Variants in CNTNAP1 observed in about 807,000 individuals in gnomAD.
CNTNAP1 encodes contactin-associated protein 1.
A neutral mutation model predicts 161.5 loss-of-function variants in CNTNAP1; 80 were observed. That is an observed-to-expected ratio of 0.50 (90% CI 0.41 to 0.60). The LOEUF (loss-of-function observed/expected upper bound fraction) is 0.60, where lower values mean the gene tolerates loss of function less well. Among genes scored for constraint, CNTNAP1 ranks in the 20% least tolerant of loss-of-function variants. The probability of loss-of-function intolerance (pLI) is 0.00; values close to 1 mark genes in which losing one functional copy is unlikely to be tolerated. For missense variants in CNTNAP1, 1,464 were observed against 1,854.8 expected, an observed-to-expected ratio of 0.79 and a Z score of 3.87; for synonymous variants, 695 against 733.1, an observed-to-expected ratio of 0.95 and a Z score of 0.84.
chr17:42,699,576 C>T lies in CNTNAP1; in HGVS notation c.*666C>T, dbSNP rs1265813525. 6 of 152,792 alleles carry T rather than the reference C, an allele frequency of 3.9e-5. No homozygotes were observed. The Admixed American group carries it at 3.9e-4, about 10-fold the overall frequency. The allele number at this position is 152,792 out of a possible 1,614,324, so 9.5% of individuals were successfully genotyped here. On this transcript the variant is annotated 3_prime_UTR_variant, in exon 24 of 24. Transcript: ENST00000264638. The stretch of plus-strand genomic sequence containing the variant: ...AATGCAGATACCCTGACTAGCCAGC[C>T]CTCTACTCCTCCAACCTTTTCCAAG...
chr17:42,690,046 C>G (rs1167782335), intron 11 of CNTNAP1, 42 bp from the exon 12 acceptor site: 1 of 1,611,458 alleles, frequency 6.2e-7, no homozygotes, highest in Non-Finnish European at 8.5e-7. Flanking sequence ...GGCCAGCCCT[C>G]TAACTCTCTA....
At position 42,688,862 on chromosome 17, in the gene CNTNAP1, G is replaced by A; in HGVS notation, c.1457-14G>A. On this transcript the variant is annotated splice_polypyrimidine_tract_variant and intron_variant, in intron 9 of 23. Coordinates refer to ENST00000264638, the MANE Select transcript of CNTNAP1 (RefSeq NM_003632.3). ...TCTCCCCTGGGGAGGATCTCACAGG[G>A]GTGGTTGCTCCAGGTTGTCCCAAGC... 2 of 1,613,680 alleles carry A rather than the reference G, an allele frequency of 1.2e-6. No individual in the cohort carries two copies. Among genetic ancestry groups the A allele is most frequent in the Non-Finnish European group, 1.7e-6 (2 of 1,179,902 alleles).
At chr17:42,693,616 G>A (rs1386259771) in intron 18 of CNTNAP1, 80 bp downstream of exon 18, 9 of 1,557,174 alleles carry the variant, frequency 5.8e-6, no homozygotes, top group Non-Finnish European at 7.9e-6. Flanking sequence ...GAAATAGCAT[G>A]TAAAGCCCAT....
intron 23 of CNTNAP1, among the ~76,000 whole-genome samples, 163 bp from the exon 24 acceptor site, chr17:42,698,445 ATGTGTGTGTG>A (rs71276881): frequency 6.4e-5 from 9 of 139,590 alleles, no homozygotes; most frequent in East Asian, 2.1e-4. Flanking sequence ...CCAAAAGTAA[ATGTGTGTGTG>A]TGTGTGTGTG....
Position 42,685,510 on chromosome 17 carries a change from C to T in CNTNAP1, c.715+90C>T, listed in dbSNP as rs2052994988. The T allele has an allele frequency of 2.4e-6, 3 of 1,264,848 alleles. No individual in the cohort carries two copies. Among genetic ancestry groups the T allele is most frequent in the Admixed American group, 2.1e-5 (1 of 47,968 alleles). 78.4% of individuals were successfully genotyped at this position (1,264,848 alleles called of 1,614,324 possible). ...GGCACCTCCTCCGCGCATCCGCGCT[C>T]AGCCTGGTCTTCCACTTCTCTAAGG... On this transcript the variant is annotated intron_variant, in intron 5 of 23. Transcript: ENST00000264638. The surrounding 1 kb of genome is among the most constrained non-coding windows in gnomAD (Gnocchi z 5.0).
At position 42,699,040 on chromosome 17, in the gene CNTNAP1, C is replaced by G. The variant is rs572486716; in HGVS notation, c.*130C>G. The G allele has an allele frequency of 8.1e-6, 6 of 737,822 alleles. No individual in the cohort carries two copies. Among genetic ancestry groups the G allele is most frequent in the Admixed American group, 6.5e-5 (2 of 30,762 alleles). 45.7% of individuals were successfully genotyped at this position (737,822 alleles called of 1,614,324 possible). ...ATCCAGAGGATATTCCCCCATCCCC[C>G]CCCCATCAAGTTTGGTGGGCAGAGC... is the stretch of plus-strand genomic sequence containing the variant. On this transcript the variant is annotated 3_prime_UTR_variant, in exon 24 of 24. Transcript: ENST00000264638.
Position 42,691,965 on chromosome 17 carries a change from G to A in CNTNAP1, c.2504G>A (p.Arg835Gln), listed in dbSNP as rs145894379. 36 of 1,613,972 alleles carry A rather than the reference G, an allele frequency of 2.2e-5. No homozygotes were observed. Among genetic ancestry groups the A allele is most frequent in the African/African-American group, 8.0e-5 (6 of 74,920 alleles). ...GGGGGCCCTTACTGCCAGTGGCGCCGACCTTATGTGCGGGTGGAACTCAAC... is the reference window on the plus strand; with the variant it reads ...GGGGGCCCTTACTGCCAGTGGCGCCAACCTTATGTGCGGGTGGAACTCAAC... ...NMGGPYCQWR[R>Q]PYVRVELNTS... Residue 835 changes from arginine (R) to glutamine (Q), a missense_variant, in exon 16 of 24, where the codon CGA (arginine) becomes CAA (glutamine). Transcript: ENST00000264638. This position sits in a 1 kb window ranked among gnomAD's most constrained non-coding sequence, Gnocchi z 4.3.
rs749108882 is a variant in CNTNAP1, at chr17:42,686,866, T to A, written c.901-37T>A. ...CGCGCGAGAAAGGCAGGCGCCCTCC[T>A]GTGCCCAAGAGGCCTCATTCCCCAC... is the stretch of plus-strand genomic sequence containing the variant. On this transcript the variant is annotated intron_variant, in intron 6 of 23. Transcript: ENST00000264638. 19 of 1,563,556 alleles carry A rather than the reference T, an allele frequency of 1.2e-5. No individual in the cohort carries two copies. The Admixed American group carries it at 3.5e-4, about 29-fold the overall frequency.
In CNTNAP1 at chr17:42,682,893, T is replaced by C. The variant is rs1307728562; in HGVS notation, c.64T>C (p.Tyr22His). The C allele has an allele frequency of 8.7e-6, 14 of 1,600,318 alleles. No individual in the cohort carries two copies. The highest frequency in any genetic ancestry group is 1.1e-5 in the Non-Finnish European group (13 of 1,174,598). ...AAVSGAEGWG[Y>H]YGCDEELVGP... ...GGTCTCAGGAGCCGAGGGCTGGGGC[T>C]ACTGTGAGTGTTGGGCTTGGAGGCA... Residue 22 changes from tyrosine to histidine, a missense_variant, in exon 1 of 24, where the codon TAC becomes CAC. Physicochemically the swap from Tyr to His is moderately conservative, Grantham distance 83. Coordinates refer to ENST00000264638, the MANE Select transcript of CNTNAP1 (RefSeq NM_003632.3).
In CNTNAP1 at chr17:42,691,962, G is replaced by A. The variant is rs142029931; in HGVS notation, c.2501G>A (p.Arg834His). ...ENMGGPYCQW[R>H]RPYVRVELNT... ...ATGGGGGGCCCTTACTGCCAGTGGC[G>A]CCGACCTTATGTGCGGGTGGAACTC... The change falls in exon 16 of 24, where the codon CGC (arginine) becomes CAC (histidine). Residue 834 changes from arginine to histidine, a missense_variant. Physicochemically the swap from Arg to His is conservative, Grantham distance 29. Around this residue, in one of 3 missense-constraint regions of CNTNAP1, gnomAD observed 1,383 missense variants for 1,765.0 expected, o/e 0.78. Transcript: ENST00000264638. The surrounding 1 kb of genome is among the most constrained non-coding windows in gnomAD (Gnocchi z 4.3). 7.7e-4 allele frequency: 1,244 copies of A among 1,613,920 alleles called. 1 individual carries two copies. The highest frequency in any genetic ancestry group is 1.0e-3 in the Non-Finnish European group (1,188 of 1,179,982).
rs537340358 is a variant in CNTNAP1, at chr17:42,698,037, C to T, written c.3862+87C>T. The T allele has an allele frequency of 8.2e-5, 122 of 1,481,066 alleles. 2 individuals are homozygous for T. In the South Asian group the frequency reaches 1.2e-3, roughly 15 times the overall value. The allele number at this position is 1,481,066 out of a possible 1,614,324, so 91.7% of individuals were successfully genotyped here. On this transcript the variant is annotated intron_variant, in intron 23 of 23. Coordinates refer to ENST00000264638, the MANE Select transcript of CNTNAP1 (RefSeq NM_003632.3). ...TCCCTGCCCCTGATCCCCAAGGCTG[C>T]AGGATGGCAAAGGCACTAGATGCAC...
Position 42,690,098 on chromosome 17 carries a change from G to A in CNTNAP1, c.1746G>A (p.Lys582=). ...CCTATTATCTGCCAGCTTTGTATAAGGAATCCTGTGAGGCTTATCGGCTCA... is the reference window on the plus strand; with the variant it reads ...CCTATTATCTGCCAGCTTTGTATAAAGAATCCTGTGAGGCTTATCGGCTCA... ...KGETCHTPLY[K]ESCEAYRLSG... Residue 582 remains lysine (K), a synonymous_variant, in exon 12 of 24, where the codon AAG becomes AAA. Coordinates refer to ENST00000264638, the MANE Select transcript of CNTNAP1 (RefSeq NM_003632.3). 4 of 1,613,572 alleles carry A rather than the reference G, an allele frequency of 2.5e-6. No homozygotes were observed. The highest frequency in any genetic ancestry group is 2.5e-6 in the Non-Finnish European group (3 of 1,179,662).
rs755070825 is a variant in CNTNAP1, at chr17:42,687,837, C to A, written c.1162C>A (p.Arg388Ser). 1 of 1,614,238 alleles carries A rather than the reference C, an allele frequency of 6.2e-7. No homozygotes were observed. Among genetic ancestry groups the A allele is most frequent in the Non-Finnish European group, 8.5e-7 (1 of 1,180,046 alleles). Residue 388 changes from arginine to serine, a missense_variant, in exon 8 of 24, where the codon CGC becomes AGC. Physicochemically the swap from Arg to Ser is moderately radical, Grantham distance 110. Transcript: ENST00000264638. This position sits in a 1 kb window ranked among gnomAD's most constrained non-coding sequence, Gnocchi z 4.7. ...CCGTGGCCGCCTGGCAGTCTCATTT[C>A]GCTTCCGCACCTGGGACCTCACCGG... Reference protein sequence around the residue: ...PRRGRLAVSFRFRTWDLTGLL... With the variant: ...PRRGRLAVSFSFRTWDLTGLL...
In CNTNAP1 at chr17:42,692,697, A is replaced by T; in HGVS notation, c.2729A>T (p.Glu910Val). 1.9e-6 allele frequency: 3 copies of T among 1,612,066 alleles called. 1 individual carries two copies. In the South Asian group the frequency reaches 3.3e-5, roughly 18 times the overall value. The change falls in exon 17 of 24, where the codon GAG becomes GTG. Residue 910 changes from glutamate to valine, a missense_variant. Glu to Val is a moderately radical substitution (Grantham distance 121). This residue lies in a region of CNTNAP1 where 1,383 missense variants were observed against 1,765.0 expected (regional missense o/e 0.78). Coordinates refer to ENST00000264638, the MANE Select transcript of CNTNAP1 (RefSeq NM_003632.3). ...PMPLQTYIWM[E>V]YDQPLYVGSA... Reference sequence around the variant, plus strand: ...CCACTGCAGACCTACATCTGGATGGAGTATGACCAGCCCCTCTATGTGGGT... The same window carrying T: ...CCACTGCAGACCTACATCTGGATGGTGTATGACCAGCCCCTCTATGTGGGT...
intron 20 of CNTNAP1, among the ~76,000 whole-genome samples, chr17:42,696,610 A>C (rs2053156035): frequency 1.3e-5 from 2 of 152,206 alleles, no homozygotes; most frequent in Non-Finnish European, 2.9e-5. Flanking sequence ...AGCGTGAGCC[A>C]CCGCGCCCAG....
intron 21 of CNTNAP1, 34 bp downstream of exon 21, chr17:42,697,401 G>A: frequency 6.2e-7 from 1 of 1,611,100 alleles, no homozygotes; most frequent in Non-Finnish European, 8.5e-7. Flanking sequence ...TTTAGGCAAG[G>A]AGCTGTGGCA....
At chr17:42,688,346 CG>C (rs1567971691) in intron 8 of CNTNAP1, 115 bp from the exon 9 acceptor site, 1 of 1,374,250 alleles carries the variant, frequency 7.3e-7, no homozygotes, top group Non-Finnish European at 1.0e-6. Context: ...AGTGTAATCA[CG>C]GGGGCACACA....
intron 18 of CNTNAP1, among the ~76,000 whole-genome samples, chr17:42,693,824 C>A (rs2053122097): frequency 6.6e-6 from 1 of 152,052 alleles, no homozygotes; most frequent in Non-Finnish European, 1.5e-5. Flanking sequence ...GAGTTCGAGA[C>A]CAGCCTGGGC....
In CNTNAP1 at chr17:42,686,967, G is replaced by A. The variant is rs1219808261; in HGVS notation, c.965G>A (p.Gly322Asp). The A allele has an allele frequency of 6.2e-7, 1 of 1,613,974 alleles. No homozygotes were observed. Among genetic ancestry groups the A allele is most frequent in the South Asian group, 1.1e-5 (1 of 91,092 alleles). ...CTGGCCTATCGGCATAACTTCCGCGGCTGCATAGAAAACGTAATCTTCAAC... is the reference window on the plus strand; with the variant it reads ...CTGGCCTATCGGCATAACTTCCGCGACTGCATAGAAAACGTAATCTTCAAC... ...KNLAYRHNFR[G>D]CIENVIFNRV... The change falls in exon 7 of 24, where the codon GGC becomes GAC. Residue 322 changes from glycine (G) to aspartate (D), a missense_variant. Coordinates refer to ENST00000264638, the MANE Select transcript of CNTNAP1 (RefSeq NM_003632.3).
Sources: allele counts gnomAD v4.1 joint callset (sites outside exome capture counted in the v4.1 genomes callset), GRCh38; gene constraint gnomAD v4.1.1; regional missense constraint gnomAD v4.1.1; non-coding constraint Gnocchi (gnomAD v3.1); transcripts MANE v1.5; gene names NCBI Gene and HGNC (gene_info 2026-07-23, HGNC 2026-07-21).